Variants in RNF130 observed in about 807,000 individuals in gnomAD.
RNF130 encodes the protein E3 ubiquitin-protein ligase RNF130.
Under a neutral mutation model 44.6 loss-of-function variants are expected in RNF130, and 21 were observed. The observed-to-expected ratio is 0.47, with a 90% confidence interval of 0.33 to 0.68. The LOEUF (loss-of-function observed/expected upper bound fraction) is 0.68. Ranked by LOEUF, RNF130 falls within the 30% of genes least tolerant of loss-of-function variation. The probability of loss-of-function intolerance (pLI) is 0.02; values close to 1 mark genes in which losing one functional copy is unlikely to be tolerated. For synonymous variants in RNF130, 214 were observed against 210.4 expected (o/e 1.02, Z -0.15); for missense variants, 479 against 560.6 (o/e 0.85, Z 1.47).
intron 6 of RNF130, among the ~76,000 whole-genome samples, chr5:179,968,321 G>T (rs1762496775): frequency 6.9e-6 from 1 of 144,748 alleles, no homozygotes; most frequent in Non-Finnish European, 1.6e-5. Context: ...AACAAAAAAA[G>T]AAGGCGGCGG....
chr5:179,988,928 TTC>T (rs1170560649), intron 3 of RNF130, among the ~76,000 whole-genome samples: 3 of 152,330 alleles, frequency 2.0e-5, no homozygotes, highest in East Asian at 3.9e-4. Flanking sequence ...AATCCAAGTA[TTC>T]TGTTAATTTC....
At chr5:179,927,587 T>C (rs1761722911) in intron 7 of RNF130, among the ~76,000 whole-genome samples, 1 of 48,378 alleles carries the variant, frequency 2.1e-5, no homozygotes. Flanking sequence ...TAGCTTTGTC[T>C]TTTTTTTTTT....
At chr5:179,994,940 G>A (rs922314501) in intron 3 of RNF130, among the ~76,000 whole-genome samples, 5 of 152,134 alleles carry the variant, frequency 3.3e-5, no homozygotes, top group African/African-American at 1.2e-4. Context: ...TCAGTGGTTT[G>A]GGTCTTACAC....
intron 7 of RNF130, among the ~76,000 whole-genome samples, chr5:179,921,222 C>T (rs1266297219): frequency 6.6e-6 from 1 of 152,266 alleles, no homozygotes; most frequent in African/African-American, 2.4e-5. Flanking sequence ...ATCAAGATAA[C>T]GAACATATCC....
At chr5:179,957,247 A>G (rs796472196) in intron 8 of RNF130, among the ~76,000 whole-genome samples, 1 of 152,224 alleles carries the variant, frequency 6.6e-6, no homozygotes, top group African/African-American at 2.4e-5. Context: ...CCCCATCTCT[A>G]CTAAAAATGC....
intron 2 of RNF130, among the ~76,000 whole-genome samples, chr5:180,026,824 G>T (rs1469009450): frequency 6.6e-6 from 1 of 152,162 alleles, no homozygotes; most frequent in African/African-American, 2.4e-5. Context: ...AGGGCATTCT[G>T]CTGACCACTG....
intron 3 of RNF130, 123 bp downstream of exon 3, chr5:180,012,938 A>G: frequency 8.9e-7 from 1 of 1,126,040 alleles, no homozygotes; most frequent in South Asian, 1.6e-5. Flanking sequence ...ACATATTAAA[A>G]TGACTGAGTG....
At chr5:179,951,006 A>G (rs1762115907), downstream of RNF130, among the ~76,000 whole-genome samples, 1 of 152,350 alleles carries the variant, frequency 6.6e-6, no homozygotes, top group Non-Finnish European at 1.5e-5. Context: ...GGAAGCTATC[A>G]ATACAAGAGA....
intron 7 of RNF130, among the ~76,000 whole-genome samples, chr5:179,940,782 C>A (rs1351246734): frequency 6.6e-6 from 1 of 151,926 alleles, no homozygotes; most frequent in African/African-American, 2.4e-5. Flanking sequence ...ATTATCTCTT[C>A]AAATACTGCT....
intron 3 of RNF130, among the ~76,000 whole-genome samples, chr5:180,006,999 A>T (rs1763475139): frequency 6.6e-6 from 1 of 152,232 alleles, no homozygotes; most frequent in Non-Finnish European, 1.5e-5. Context: ...TTCTTATATC[A>T]CATGCAAAAT....
At chr5:179,959,926 A>G (rs757455016) in intron 8 of RNF130, among the ~76,000 whole-genome samples, 6 of 152,206 alleles carry the variant, frequency 3.9e-5, no homozygotes, top group Admixed American at 1.3e-4. Flanking sequence ...GTTCTCTGCA[A>G]ATCTTAGAAC....
In RNF130 at chr5:179,963,569, T is replaced by G; in HGVS notation, c.1151-5A>C. On this transcript the variant is annotated splice_region_variant and splice_polypyrimidine_tract_variant and intron_variant, in intron 7 of 8. Transcript: ENST00000521389. ...TGGCAATAATAAACCATTCTTCTGTTGACAAAGGAAAGGGAGGAAATCACT... is the reference window on the plus strand; with the variant it reads ...TGGCAATAATAAACCATTCTTCTGTGGACAAAGGAAAGGGAGGAAATCACT... 1 of 1,603,340 alleles carries G rather than the reference T, an allele frequency of 6.2e-7. No homozygotes were observed. Among genetic ancestry groups the G allele is most frequent in the East Asian group, 2.2e-5 (1 of 44,768 alleles).
chr5:180,040,698 T>C, intron 1 of RNF130, 51 bp from the exon 2 acceptor site: 1 of 1,529,006 alleles, frequency 6.5e-7, no homozygotes, highest in Non-Finnish European at 8.9e-7. Flanking sequence ...ACTGACCAAG[T>C]CTTTATCAAA....
At chr5:179,979,197 C>T (rs1762777384) in intron 4 of RNF130, among the ~76,000 whole-genome samples, 1 of 151,948 alleles carries the variant, frequency 6.6e-6, no homozygotes, top group African/African-American at 2.4e-5. Flanking sequence ...GTGGTCACCA[C>T]TCCTCTGCCA....
rs144172235 is a variant in RNF130, at chr5:180,040,604, G to C, written c.291C>G (p.Val97=). ...LGCDPQTRFF[V]PPNIKQWIAL... ...CAATCCACTGTTTGATATTAGGAGG[G>C]ACAAAGAACCGGGTTTGTGGATCAC... Residue 97 remains valine (V), a synonymous_variant, in exon 2 of 9, where the codon GTC becomes GTG. Transcript: ENST00000521389. The C allele has an allele frequency of 7.2e-5, 117 of 1,614,126 alleles. No individual in the cohort carries two copies. In the African/African-American group the frequency reaches 1.4e-3, roughly 20 times the overall value.
At chr5:179,963,839 T>C in intron 7 of RNF130, 1 of 410,450 alleles carries the variant, frequency 2.4e-6, no homozygotes, top group Non-Finnish European at 4.4e-6. Context: ...CACCAAAAAG[T>C]GTGCGGTGAA....
intron 3 of RNF130, among the ~76,000 whole-genome samples, chr5:179,993,085 T>C (rs1236992653): frequency 1.3e-5 from 2 of 152,252 alleles, no homozygotes; most frequent in Non-Finnish European, 2.9e-5. Flanking sequence ...TAGTATTCCA[T>C]GGTGTATATG....
At position 179,948,914 on chromosome 5, in the gene RNF130, C is replaced by T. The variant is rs1008248281; in HGVS notation, c.1150+17892G>A. 4.0e-5 allele frequency among the ~76,000 whole-genome samples: 6 copies of T among 151,276 alleles called. No individual in the cohort carries two copies. In the South Asian group the frequency reaches 8.3e-4, roughly 21 times the overall value. ...TTTCCCGTGGAGGGTCTTCAGGTGA[C>T]GTTCTTATCAACTTCTGACCAACCT... On this transcript the variant is annotated intron_variant, in intron 7 of 7. Transcript: ENST00000522208.
chr5:179,972,879 C>T (rs986575923), intron 5 of RNF130, among the ~76,000 whole-genome samples: 2 of 151,906 alleles, frequency 1.3e-5, no homozygotes, highest in African/African-American at 4.8e-5. Context: ...TAACTGTTTC[C>T]TTCTAGGATT....
Sources: allele counts gnomAD v4.1 joint callset (sites outside exome capture counted in the v4.1 genomes callset), GRCh38; gene constraint gnomAD v4.1.1; transcripts MANE v1.5; gene names NCBI Gene and HGNC (gene_info 2026-07-23, HGNC 2026-07-21).